The following CD82 variants were observed in gnomAD, a reference collection of about 807,000 sequenced individuals.
CD82 encodes the protein CD82 molecule, also known as CD82 antigen.
In CD82, 36 loss-of-function variants were observed where a neutral mutation model predicts 37.4. The ratio of observed to expected loss-of-function variants is 0.96; its 90% CI spans 0.74 to 1.27. The LOEUF is 1.27. Among genes scored for constraint, CD82 ranks in the 50% most tolerant of loss-of-function variants. The pLI is 0.00. For missense variants in CD82, 340 were observed against 347.0 expected (o/e 0.98, Z 0.16); for synonymous variants, 158 against 137.4 (o/e 1.15, Z -1.05).
chr11:44,586,822 G>A (rs907501143), intron 1 of CD82, among the ~76,000 whole-genome samples: 1 of 152,164 alleles, frequency 6.6e-6, no homozygotes, highest in Non-Finnish European at 1.5e-5. Context: ...TTTCTCTCCT[G>A]CTTCCTAAAA....
intron 2 of CD82, among the ~76,000 whole-genome samples, chr11:44,589,650 G>A (rs769885706): frequency 2.0e-5 from 3 of 152,188 alleles, no homozygotes; most frequent in Non-Finnish European, 4.4e-5. Flanking sequence ...CACTCCCCAA[G>A]GAGATGAATG....
At chr11:44,612,622 A>ATTTTTT (rs1853500458) in intron 6 of CD82, among the ~76,000 whole-genome samples, 1 of 65,386 alleles carries the variant, frequency 1.5e-5, no homozygotes, top group African/African-American at 6.9e-5. Context: ...TCCCAGCATT[A>ATTTTTT]ATTTTTTTTT....
At chr11:44,564,478 G>A (rs1203764031), upstream of CD82, 1 of 456,184 alleles carries the variant, frequency 2.2e-6, no homozygotes, top group African/African-American at 2.0e-5. Context: ...AGCTGCACAG[G>A]TGAATGCCCC....
intron 6 of CD82, among the ~76,000 whole-genome samples, chr11:44,614,821 G>C (rs548836883): frequency 6.6e-6 from 1 of 152,280 alleles, no homozygotes; most frequent in East Asian, 1.9e-4. Context: ...CCAGGCGGTG[G>C]GAACAGCAGG....
intron 1 of CD82, among the ~76,000 whole-genome samples, chr11:44,583,874 C>T (rs1184123315): frequency 1.3e-5 from 2 of 152,150 alleles, no homozygotes; most frequent in African/African-American, 4.8e-5. Flanking sequence ...GGCCTCCTTT[C>T]CCCAAGTGTC....
At chr11:44,577,043 A>C (rs1157026191) in intron 1 of CD82, among the ~76,000 whole-genome samples, 1 of 151,918 alleles carries the variant, frequency 6.6e-6, no homozygotes, top group East Asian at 1.9e-4. Flanking sequence ...TCCTGGGTAC[A>C]AGGGGCCCAG....
At chr11:44,616,970 C>T (rs1177110091) in intron 7 of CD82, among the ~76,000 whole-genome samples, 5 of 152,272 alleles carry the variant, frequency 3.3e-5, no homozygotes, top group Middle Eastern at 3.4e-3. Flanking sequence ...GGAGGCAGCC[C>T]GGCTGCTGGA....
chr11:44,598,400 ATTTTTTTTTTT>A (rs71038809), intron 3 of CD82, among the ~76,000 whole-genome samples: 33 of 58,910 alleles, frequency 5.6e-4, no homozygotes, highest in African/African-American at 9.8e-4. Context: ...TTTGGCCTTA[ATTTTTTTTTTT>A]TTTTTTTTTT....
intron 6 of CD82, among the ~76,000 whole-genome samples, chr11:44,613,182 C>T (rs777059511): frequency 6.6e-6 from 1 of 152,186 alleles, no homozygotes; most frequent in African/African-American, 2.4e-5. Flanking sequence ...TCCTTGGCAT[C>T]CCTGCCTTCT....
chr11:44,597,785 C>T lies in CD82; in HGVS notation c.64-2373C>T, dbSNP rs1000476572. Among the ~76,000 whole-genome samples, 3 of 152,200 alleles carry T rather than the reference C, an allele frequency of 2.0e-5. No homozygotes were observed. Among genetic ancestry groups the T allele is most frequent in the Non-Finnish European group, 4.4e-5 (3 of 68,034 alleles). On this transcript the variant is annotated intron_variant, in intron 3 of 9. Coordinates refer to ENST00000227155, the MANE Select transcript of CD82 (RefSeq NM_002231.4). The surrounding 1 kb of genome is among the most constrained non-coding windows in gnomAD (Gnocchi z 4.1). ...GGGTCTGAGATGCAGAGGGAGCAGACGTGGGCCTGAGCACTGGCCCCTGCC... is the reference window on the plus strand; with the variant it reads ...GGGTCTGAGATGCAGAGGGAGCAGATGTGGGCCTGAGCACTGGCCCCTGCC...
chr11:44,578,567 C>T (rs1164050471), intron 1 of CD82, among the ~76,000 whole-genome samples: 7 of 152,200 alleles, frequency 4.6e-5, no homozygotes, highest in Non-Finnish European at 8.8e-5. Flanking sequence ...TCAAACCACA[C>T]ACCTCCCTCT....
intron 1 of CD82, among the ~76,000 whole-genome samples, chr11:44,577,483 G>A (rs1852913983): frequency 6.6e-6 from 1 of 152,044 alleles, no homozygotes; most frequent in Admixed American, 6.5e-5. Context: ...TAACTCCCCA[G>A]TGAGGCATGA....
intron 1 of CD82, among the ~76,000 whole-genome samples, chr11:44,575,050 G>A (rs1253209758): frequency 6.6e-6 from 1 of 152,178 alleles, no homozygotes; most frequent in Non-Finnish European, 1.5e-5. Context: ...TAAACTCAAG[G>A]TCAGAGGACC....
At chr11:44,569,368 G>A (rs1440562721) in intron 1 of CD82, among the ~76,000 whole-genome samples, 1 of 152,172 alleles carries the variant, frequency 6.6e-6, no homozygotes, top group Non-Finnish European at 1.5e-5. Flanking sequence ...TGGTTTTCCT[G>A]TCAGCAGCTG....
chr11:44,614,268 G>A (rs963866229), intron 6 of CD82, among the ~76,000 whole-genome samples: 2 of 152,178 alleles, frequency 1.3e-5, no homozygotes, highest in Non-Finnish European at 2.9e-5. Flanking sequence ...CTGCTGTCTT[G>A]GGGGCCCTGT....
In CD82 at chr11:44,598,702, G is replaced by A. The variant is rs562805086; in HGVS notation, c.64-1456G>A. Among the ~76,000 whole-genome samples, 9 of 152,288 alleles carry A rather than the reference G, an allele frequency of 5.9e-5. No homozygotes were observed. The South Asian group carries it at 1.7e-3, about 28-fold the overall frequency. On this transcript the variant is annotated intron_variant, in intron 3 of 9. Transcript: ENST00000227155. ...CTCATGTGTTACACCTGAGGCAGGT[G>A]CCTCGTGCCTTGGGCCGGTCCTGGC...
Position 44,591,163 on chromosome 11 carries a change from C to T in CD82, c.-20-3480C>T, listed in dbSNP as rs569047944. 5.9e-5 allele frequency among the ~76,000 whole-genome samples: 9 copies of T among 152,292 alleles called. 1 individual carries two copies. The South Asian group carries it at 1.7e-3, about 28-fold the overall frequency. Reference sequence around the variant, plus strand: ...GGGTCTGTCCCACTTGACTGGGCTGCCTGGCTCTCATTTCAGCCTCTGGAC... The same window carrying T: ...GGGTCTGTCCCACTTGACTGGGCTGTCTGGCTCTCATTTCAGCCTCTGGAC... On this transcript the variant is annotated intron_variant, in intron 2 of 9. Coordinates refer to ENST00000227155, the MANE Select transcript of CD82 (RefSeq NM_002231.4).
At chr11:44,569,080 G>A (rs904921413) in intron 1 of CD82, among the ~76,000 whole-genome samples, 2 of 152,158 alleles carry the variant, frequency 1.3e-5, no homozygotes, top group African/African-American at 4.8e-5. Context: ...GGACTGTTTG[G>A]CCTGGGCCCC....
At chr11:44,585,542 G>A (rs562021547) in intron 1 of CD82, among the ~76,000 whole-genome samples, 128 of 152,304 alleles carry the variant, frequency 8.4e-4, no homozygotes, top group Non-Finnish European at 1.5e-3. Context: ...GCCTGATGGC[G>A]ATTCATCTTC....
Sources: gnomAD v4.1 joint callset for allele counts (sites outside exome capture counted in the v4.1 genomes callset) on GRCh38, gnomAD v4.1.1 for gene constraint, Gnocchi (gnomAD v3.1) non-coding constraint, MANE v1.5 for transcripts, NCBI Gene and HGNC (gene_info 2026-07-23, HGNC 2026-07-21) for gene names.